Variants in MTCL1 observed in about 807,000 individuals in gnomAD.
MTCL1 encodes microtubule crosslinking factor 1, also known as microtubule cross-linking factor 1.
Under a neutral mutation model 141.4 loss-of-function variants are expected in MTCL1, and 79 were observed. The observed-to-expected ratio is 0.56, with a 90% confidence interval of 0.47 to 0.67. The LOEUF (loss-of-function observed/expected upper bound fraction) is 0.67, where lower values mean the gene tolerates loss of function less well. MTCL1 is among the 30% of genes least tolerant of loss of function. The pLI is 0.00. For missense variants in MTCL1, 2,177 were observed against 2,113.9 expected (o/e 1.03, Z -0.59); for synonymous variants, 914 against 875.8 (o/e 1.04, Z -0.77).
intron 4 of MTCL1, among the ~76,000 whole-genome samples, chr18:8,760,258 G>A (rs1310467770): frequency 6.6e-6 from 1 of 152,190 alleles, no homozygotes; most frequent in African/African-American, 2.4e-5. Flanking sequence ...GAAGGAGAAC[G>A]GGTTCAAATC....
At chr18:8,773,116 A>C (rs1349545356) in intron 4 of MTCL1, among the ~76,000 whole-genome samples, 3 of 152,222 alleles carry the variant, frequency 2.0e-5, no homozygotes, top group Non-Finnish European at 2.9e-5. Context: ...CGATGATAGA[A>C]GGTGCGGTGA....
intron 4 of MTCL1, among the ~76,000 whole-genome samples, chr18:8,734,668 C>T (rs994925777): frequency 6.6e-6 from 1 of 152,156 alleles, no homozygotes; most frequent in African/African-American, 2.4e-5. Flanking sequence ...GTTTCTTGTG[C>T]CGTCACTTTT....
At chr18:8,706,156 T>C (rs2096057869) in exon 1 of MTCL1, 2 of 1,219,464 alleles carry the variant, frequency 1.6e-6, no homozygotes, top group Non-Finnish European at 2.0e-6. Context: ...CAAGCGCGGC[T>C]CCCGGGCGCC....
At position 8,705,958 on chromosome 18, in the gene MTCL1, C is replaced by T; in HGVS notation, c.298C>T (p.Arg100Cys). 2.7e-6 allele frequency: 3 copies of T among 1,114,300 alleles called. No individual in the cohort carries two copies. The highest frequency in any genetic ancestry group is 3.3e-6 in the Non-Finnish European group (3 of 915,010). The allele number at this position is 1,114,300 out of a possible 1,614,324, so 69.0% of individuals were successfully genotyped here. A position where few individuals can be genotyped will look rare whatever the true frequency, so the allele number is the denominator to read the frequency against. The change falls in exon 1 of 14, where the codon CGC becomes TGC. Residue 100 changes from arginine (R) to cysteine (C), a missense_variant. Coordinates refer to the MTCL1 transcript ENST00000306329. This position sits in a 1 kb window ranked among gnomAD's most constrained non-coding sequence, Gnocchi z 5.2. ...GGCCGCGCCCGGCCGCCTCTCTCGG[C>T]GCAGTGGCGGCGTCCCGGGCGCGAA...
At chr18:8,754,570 A>G (rs888982381) in intron 4 of MTCL1, among the ~76,000 whole-genome samples, 3 of 152,224 alleles carry the variant, frequency 2.0e-5, no homozygotes, top group Admixed American at 6.5e-5. Context: ...ATGAGATACC[A>G]GTAATGTCAG....
chr18:8,775,132 T>C (rs979063421), intron 4 of MTCL1, among the ~76,000 whole-genome samples: 1 of 152,154 alleles, frequency 6.6e-6, no homozygotes, highest in African/African-American at 2.4e-5. Flanking sequence ...ATTGGGAGAA[T>C]GTGATGAAAG....
chr18:8,776,745 AT>A (rs2096511394), intron 4 of MTCL1, among the ~76,000 whole-genome samples: 1 of 150,146 alleles, frequency 6.7e-6, no homozygotes, highest in South Asian at 2.1e-4. Context: ...TTATTTATTT[AT>A]TTATTTATTT....
intron 8 of MTCL1, among the ~76,000 whole-genome samples, chr18:8,793,345 G>A (rs2075803840): frequency 6.6e-6 from 1 of 150,662 alleles, no homozygotes; most frequent in South Asian, 2.1e-4. Context: ...CTACACTGTG[G>A]TCTCAGCAAG....
chr18:8,715,026 G>A (rs1332287272), upstream of MTCL1, among the ~76,000 whole-genome samples: 2 of 152,160 alleles, frequency 1.3e-5, no homozygotes, highest in Admixed American at 1.3e-4. Context: ...TTGATCTCCT[G>A]ACCTTGTGAT....
intron 4 of MTCL1, among the ~76,000 whole-genome samples, chr18:8,774,502 T>C (rs2096497610): frequency 6.6e-6 from 1 of 152,212 alleles, no homozygotes; most frequent in African/African-American, 2.4e-5. Context: ...TTCTGTTTTC[T>C]TTCTTTCCTT....
chr18:8,788,537 A>G (rs1206037751), intron 7 of MTCL1, among the ~76,000 whole-genome samples: 2 of 152,222 alleles, frequency 1.3e-5, no homozygotes, highest in African/African-American at 4.8e-5. Flanking sequence ...ATTTTGAAAG[A>G]TTGAGGCATT....
At chr18:8,721,813 C>T (rs1166094964) in intron 4 of MTCL1, among the ~76,000 whole-genome samples, 3 of 152,220 alleles carry the variant, frequency 2.0e-5, no homozygotes, top group Admixed American at 6.5e-5. Flanking sequence ...AGTGCCCCTT[C>T]GTATCACAAG....
rs545625238 is a variant in MTCL1, at chr18:8,766,210, C to T, written c.358-11623C>T. Among the ~76,000 whole-genome samples, 8 of 152,350 alleles carry T rather than the reference C, an allele frequency of 5.3e-5. 1 individual carries two copies. Among genetic ancestry groups the T allele is most frequent in the African/African-American group, 1.9e-4 (8 of 41,580 alleles). On this transcript the variant is annotated intron_variant, in intron 4 of 16. Transcript: ENST00000359865. ...ACAAGAAAGGCGTGGTTAATGAGCA[C>T]TCCAGGCCTGCGTTTCAGCAGGGTG...
chr18:8,829,060 C>A, intron 16 of MTCL1: 2 of 1,598,558 alleles, frequency 1.3e-6, no homozygotes, highest in Middle Eastern at 2.0e-4. Flanking sequence ...GGGAGTTCTG[C>A]CCGGTGGCGG....
chr18:8,801,930 G>T (rs745976321), intron 10 of MTCL1: 1 of 152,220 alleles, frequency 6.6e-6, no homozygotes, highest in Non-Finnish European at 1.5e-5. Context: ...GTGTGTAAAT[G>T]ACTCTAATTC....
chr18:8,783,962 G>A (rs750981932), exon 6 of MTCL1: 8 of 1,613,698 alleles, frequency 5.0e-6, no homozygotes, highest in Middle Eastern at 1.6e-4. Context: ...TGTAGAAGAG[G>A]AAGCGGAGTT....
At chr18:8,813,708 G>A (rs1310153586) in intron 12 of MTCL1, among the ~76,000 whole-genome samples, 1 of 152,208 alleles carries the variant, frequency 6.6e-6, no homozygotes, top group Non-Finnish European at 1.5e-5. Flanking sequence ...CTGTTTGCTG[G>A]TGAGTGTTCC....
intron 5 of MTCL1, among the ~76,000 whole-genome samples, chr18:8,780,213 G>A (rs1023318733): frequency 3.9e-5 from 6 of 152,322 alleles, no homozygotes; most frequent in African/African-American, 1.4e-4. Flanking sequence ...CGTGGGGTTT[G>A]TGGTGAACAA....
intron 4 of MTCL1, among the ~76,000 whole-genome samples, chr18:8,750,865 G>T (rs1459314849): frequency 6.6e-6 from 1 of 152,226 alleles, no homozygotes; most frequent in Non-Finnish European, 1.5e-5. Context: ...GGAGTCCCAA[G>T]CTGGTCCCCC....
Sources: gnomAD v4.1 joint callset for allele counts (sites outside exome capture counted in the v4.1 genomes callset) on GRCh38, gnomAD v4.1.1 for gene constraint, Gnocchi (gnomAD v3.1) non-coding constraint, MANE v1.5 for transcripts, NCBI Gene and HGNC (gene_info 2026-07-23, HGNC 2026-07-21) for gene names.